The following TUBGCP3 variants were observed in gnomAD, a reference collection of about 807,000 sequenced individuals.
TUBGCP3 encodes gamma-tubulin complex component 3.
TUBGCP3 carries 50 observed loss-of-function variants against 123.1 expected under a neutral mutation model. That is an observed-to-expected ratio of 0.41 (90% CI 0.32 to 0.51). The LOEUF (loss-of-function observed/expected upper bound fraction) is 0.51. TUBGCP3 is among the 20% of genes least tolerant of loss of function. The pLI is 0.36. For synonymous variants in TUBGCP3, 405 were observed against 413.9 expected (o/e 0.98, Z 0.26); for missense variants, 882 against 1,127.0 (o/e 0.78, Z 3.11).
intron 8 of TUBGCP3, among the ~76,000 whole-genome samples, chr13:112,549,833 A>T (rs780373662): frequency 6.6e-6 from 1 of 151,760 alleles, no homozygotes; most frequent in Non-Finnish European, 1.5e-5. Flanking sequence ...TACTAAAAAT[A>T]CCAAAAATTA....
chr13:112,504,523 C>A, intron 18 of TUBGCP3, 103 bp downstream of exon 18: 2 of 767,294 alleles, frequency 2.6e-6, no homozygotes, highest in Non-Finnish European at 4.0e-6. Context: ...TATATATACA[C>A]ATATATATAC....
At chr13:112,563,698 C>G (rs7985901) in intron 3 of TUBGCP3, among the ~76,000 whole-genome samples, 19,271 of 134,166 alleles carry the variant, frequency 0.14, 2,412 homozygotes, top group African/African-American at 0.34. Context: ...CCCATCTCTA[C>G]TAAAAATACC....
upstream of TUBGCP3, among the ~76,000 whole-genome samples, chr13:112,592,852 T>C (rs979074637): frequency 1.3e-5 from 2 of 152,200 alleles, no homozygotes; most frequent in Admixed American, 1.3e-4. This position sits in a 1 kb window ranked among gnomAD's most constrained non-coding sequence, Gnocchi z 4.1. Flanking sequence ...GTGGGGCCTT[T>C]GTCATCACCC....
chr13:112,487,308 T>C (rs1322653336), intron 21 of TUBGCP3, among the ~76,000 whole-genome samples: 3 of 152,178 alleles, frequency 2.0e-5, no homozygotes, highest in African/African-American at 7.2e-5. Flanking sequence ...CAGCCTGCCG[T>C]CGCTGGCACC....
At chr13:112,592,747 G>C (rs1370994167), upstream of TUBGCP3, among the ~76,000 whole-genome samples, 1 of 152,208 alleles carries the variant, frequency 6.6e-6, no homozygotes, top group Non-Finnish European at 1.5e-5. The surrounding 1 kb of genome is among the most constrained non-coding windows in gnomAD (Gnocchi z 4.1). Flanking sequence ...GAGGTGCCTG[G>C]GTTGGGCACA....
intron 2 of TUBGCP3, among the ~76,000 whole-genome samples, chr13:112,567,730 G>A (rs1594212889): frequency 6.6e-6 from 1 of 152,208 alleles, no homozygotes. Flanking sequence ...AAGTACTCTG[G>A]GTCACACCCT....
At chr13:112,583,013 G>A (rs1033791066) in intron 1 of TUBGCP3, among the ~76,000 whole-genome samples, 1 of 152,036 alleles carries the variant, frequency 6.6e-6, no homozygotes, top group Admixed American at 6.6e-5. Context: ...TAAAAGCCGG[G>A]GTGAATTAAT....
the TUBGCP3 span, chr13:112,605,257 C>G: frequency 6.6e-6 from 1 of 152,000 alleles, no homozygotes; most frequent in Non-Finnish European, 1.5e-5. Flanking sequence ...TGCAGTGAGC[C>G]AAGATCGCAC....
Position 112,554,843 on chromosome 13 carries a change from T to C in TUBGCP3, c.840+44A>G, listed in dbSNP as rs529693742. 3.3e-4 allele frequency: 475 copies of C among 1,424,160 alleles called. 6 individuals are homozygous for C. The South Asian group carries it at 5.6e-3, about 17-fold the overall frequency. The allele number at this position is 1,424,160 out of a possible 1,614,324, so 88.2% of individuals were successfully genotyped here. ...CCACTATCTGGACTTCATGACATGT[T>C]TTTTCTTTCTGAATATTTTAACTTA... is the stretch of plus-strand genomic sequence containing the variant. On this transcript the variant is annotated intron_variant, in intron 7 of 21. Transcript: ENST00000261965.
At chr13:112,581,693 G>T (rs751174197) in intron 1 of TUBGCP3, among the ~76,000 whole-genome samples, 6 of 152,062 alleles carry the variant, frequency 3.9e-5, no homozygotes, top group African/African-American at 1.4e-4. Flanking sequence ...CAATCCTCCC[G>T]CCTTGGCCTC....
intron 8 of TUBGCP3, among the ~76,000 whole-genome samples, chr13:112,548,955 T>C (rs1879303454): frequency 6.6e-6 from 1 of 152,176 alleles, no homozygotes; most frequent in African/African-American, 2.4e-5. Context: ...GAGCTAGAAA[T>C]ACCATTTGAC....
chr13:112,594,232 A>T, the TUBGCP3 span, among the ~76,000 whole-genome samples: 1 of 152,254 alleles, frequency 6.6e-6, no homozygotes, highest in South Asian at 2.1e-4. Flanking sequence ...AAAATGAGAA[A>T]GGTACAACTT....
chr13:112,540,090 T>C (rs1037448594), intron 11 of TUBGCP3, among the ~76,000 whole-genome samples: 3 of 144,970 alleles, frequency 2.1e-5, no homozygotes, highest in South Asian at 4.6e-4. Context: ...GTCAATGTAG[T>C]AGCCCTATGA....
Position 112,551,361 on chromosome 13 carries a change from T to C in TUBGCP3, c.966+2696A>G, listed in dbSNP as rs77413854. Among the ~76,000 whole-genome samples, 1,291 of 148,482 alleles carry C rather than the reference T, an allele frequency of 8.7e-3. 17 individuals are homozygous for C. The highest frequency in any genetic ancestry group is 0.03 in the African/African-American group (1,226 of 41,162). ...ACAAAACAGTATCTTCATTCATATA[T>C]GATTTTGCTCCATTTGGTATGTCTA... On this transcript the variant is annotated intron_variant, in intron 8 of 21. Transcript: ENST00000261965.
intron 5 of TUBGCP3, 103 bp downstream of exon 5, chr13:112,558,093 G>C (rs1880192233): frequency 8.0e-7 from 1 of 1,256,208 alleles, no homozygotes; most frequent in African/African-American, 1.5e-5. Flanking sequence ...GCACGTATGA[G>C]GCCCCACTGA....
chr13:112,595,432 C>T, the TUBGCP3 span, among the ~76,000 whole-genome samples: 4 of 152,082 alleles, frequency 2.6e-5, no homozygotes, highest in Admixed American at 1.3e-4. Flanking sequence ...CTCCTGACCT[C>T]GTGATCCACC....
At chr13:112,506,295 G>A (rs1183425194) in intron 17 of TUBGCP3, among the ~76,000 whole-genome samples, 2 of 152,132 alleles carry the variant, frequency 1.3e-5, no homozygotes, top group African/African-American at 2.4e-5. Flanking sequence ...ACCGCCCAGC[G>A]ACTCGCAAGG....
At chr13:112,540,225 G>A (rs958757182) in intron 11 of TUBGCP3, among the ~76,000 whole-genome samples, 11 of 144,928 alleles carry the variant, frequency 7.6e-5, no homozygotes. Context: ...TAGCCTATGA[G>A]CATTCAGGTG....
intron 19 of TUBGCP3, among the ~76,000 whole-genome samples, chr13:112,500,299 G>T (rs1335001452): frequency 6.6e-6 from 1 of 152,144 alleles, no homozygotes; most frequent in Non-Finnish European, 1.5e-5. Flanking sequence ...GCTTGACAAG[G>T]GTCCTATCAG....
Sources: gnomAD v4.1 joint callset for allele counts (sites outside exome capture counted in the v4.1 genomes callset) on GRCh38, gnomAD v4.1.1 for gene constraint, Gnocchi (gnomAD v3.1) non-coding constraint, MANE v1.5 for transcripts, NCBI Gene and HGNC (gene_info 2026-07-23, HGNC 2026-07-21) for gene names.